The following ADAM20 variants were observed in gnomAD, a reference collection of about 807,000 sequenced individuals.
The protein encoded by ADAM20 is ADAM metallopeptidase domain 20.
For missense variants in ADAM20, 871 were observed against 883.2 expected (o/e 0.99, Z 0.18); for synonymous variants, 305 against 310.2 (o/e 0.98, Z 0.18).
chr14:70,529,298 T>TA (rs1883657921), intron 1 of ADAM20, among the ~76,000 whole-genome samples: 1 of 152,168 alleles, frequency 6.6e-6, no homozygotes, highest in South Asian at 2.1e-4. Context: ...AAACAAGTCT[T>TA]AACAAATTTA....
the ADAM20 span, among the ~76,000 whole-genome samples, chr14:70,566,680 C>A: frequency 1.3e-5 from 2 of 152,078 alleles, no homozygotes; most frequent in Non-Finnish European, 2.9e-5. Context: ...TGGAATCCTG[C>A]AGAAAAAGTA....
the ADAM20 span, among the ~76,000 whole-genome samples, chr14:70,571,132 C>G: frequency 4.4e-4 from 67 of 152,174 alleles, no homozygotes; most frequent in African/African-American, 1.6e-3. Context: ...TATGACAAAC[C>G]CACAGCTAAC....
At chr14:70,569,882 T>TA in the ADAM20 span, among the ~76,000 whole-genome samples, 1 of 4,884 alleles carries the variant, frequency 2.0e-4, no homozygotes, top group Admixed American at 3.3e-3. Flanking sequence ...GGCAGAAAAC[T>TA]AACAAAAAAA....
At chr14:70,553,068 C>G in the ADAM20 span, among the ~76,000 whole-genome samples, 1 of 35,224 alleles carries the variant, frequency 2.8e-5, no homozygotes, top group Non-Finnish European at 5.4e-5. Flanking sequence ...AACAAAAAAC[C>G]AAACACCGCA....
At chr14:70,573,417 T>G in the ADAM20 span, among the ~76,000 whole-genome samples, 1 of 152,110 alleles carries the variant, frequency 6.6e-6, no homozygotes, top group South Asian at 2.1e-4. Flanking sequence ...TATTAGATAC[T>G]AGGGATTCCA....
In ADAM20 at chr14:70,526,518, G is replaced by C. The variant is rs559396216; in HGVS notation, c.-176-1585C>G. Among the ~76,000 whole-genome samples, 5 of 152,280 alleles carry C rather than the reference G, an allele frequency of 3.3e-5. No individual in the cohort carries two copies. The South Asian group carries it at 1.0e-3, about 32-fold the overall frequency. Reference sequence around the variant, plus strand: ...TCATAGAGTTTGGAACATTAAGATGGAAATGGGTGAATTGAGAGAGGATCA... The same window carrying C: ...TCATAGAGTTTGGAACATTAAGATGCAAATGGGTGAATTGAGAGAGGATCA... On this transcript the variant is annotated intron_variant, in intron 1 of 1. Transcript: ENST00000256389.
intron 1 of ADAM20, among the ~76,000 whole-genome samples, chr14:70,526,530 T>C (rs1883594777): frequency 2.0e-5 from 3 of 152,188 alleles, no homozygotes; most frequent in South Asian, 2.1e-4. Flanking sequence ...AATGGGTGAA[T>C]TGAGAGAGGA....
At chr14:70,546,411 T>C in the ADAM20 span, among the ~76,000 whole-genome samples, 3 of 152,136 alleles carry the variant, frequency 2.0e-5, no homozygotes, top group Admixed American at 2.0e-4. Flanking sequence ...CATCAATCAA[T>C]GTATGTAAGA....
the ADAM20 span, among the ~76,000 whole-genome samples, chr14:70,563,121 T>C: frequency 2.0e-5 from 3 of 152,304 alleles, no homozygotes; most frequent in African/African-American, 7.2e-5. Context: ...GAACACATTG[T>C]CACTGCTTGA....
the ADAM20 span, among the ~76,000 whole-genome samples, chr14:70,558,531 TAG>T: frequency 2.8e-4 from 42 of 152,182 alleles, no homozygotes; most frequent in African/African-American, 9.6e-4. Context: ...TTCAGAGTTG[TAG>T]AGTCTCCTGC....
At chr14:70,543,177 C>A in the ADAM20 span, among the ~76,000 whole-genome samples, 1 of 152,070 alleles carries the variant, frequency 6.6e-6, no homozygotes, top group Non-Finnish European at 1.5e-5. Context: ...ATTCCAATAC[C>A]CCCTACCTCA....
chr14:70,558,666 G>A, the ADAM20 span, among the ~76,000 whole-genome samples: 1 of 152,016 alleles, frequency 6.6e-6, no homozygotes, highest in African/African-American at 2.4e-5. Context: ...TATTGGAGGG[G>A]AGACATGAAA....
At chr14:70,538,325 C>T (rs989236119), upstream of ADAM20, among the ~76,000 whole-genome samples, 4 of 152,310 alleles carry the variant, frequency 2.6e-5, no homozygotes, top group Admixed American at 2.6e-4. Flanking sequence ...CATCTGGGAT[C>T]TTTCCCGGAA....
chr14:70,523,213 A>G lies in ADAM20; in HGVS notation c.1545T>C (p.Cys515=). 1 of 1,614,054 alleles carries G rather than the reference A, an allele frequency of 6.2e-7. No homozygotes were observed. Residue 515 remains cysteine, a synonymous_variant, in exon 2 of 2, where the codon TGT becomes TGC. Coordinates refer to ENST00000256389, the MANE Select transcript of ADAM20 (RefSeq NM_003814.5). ...EKTCNNHDIQ[C]KEIFGQDARS... ...TTGCATCTTGGCCAAAAATCTCTTT[A>G]CATTGTATATCATGGTTATTACACG...
At chr14:70,575,409 C>T in the ADAM20 span, among the ~76,000 whole-genome samples, 7 of 151,882 alleles carry the variant, frequency 4.6e-5, no homozygotes, top group African/African-American at 1.7e-4. Flanking sequence ...TGAGACCAGC[C>T]TGGCCAATAT....
At chr14:70,531,587 T>C (rs1169816459) in intron 1 of ADAM20, among the ~76,000 whole-genome samples, 1 of 152,128 alleles carries the variant, frequency 6.6e-6, no homozygotes, top group Non-Finnish European at 1.5e-5. Flanking sequence ...CACGGATGAC[T>C]TGATCTGTAG....
the ADAM20 span, among the ~76,000 whole-genome samples, chr14:70,567,848 G>C: frequency 5.9e-5 from 9 of 152,076 alleles, no homozygotes; most frequent in Admixed American, 5.9e-4. Context: ...TGCAACAGGG[G>C]CAAGATAGGG....
the ADAM20 span, among the ~76,000 whole-genome samples, chr14:70,542,653 C>T: frequency 6.6e-6 from 1 of 152,102 alleles, no homozygotes; most frequent in African/African-American, 2.4e-5. Flanking sequence ...TTTAAAAGGC[C>T]TATGTCCAGG....
chr14:70,535,849 G>C (rs1595025033), upstream of ADAM20, among the ~76,000 whole-genome samples: 1 of 152,270 alleles, frequency 6.6e-6, no homozygotes, highest in African/African-American at 2.4e-5. Flanking sequence ...ATACTTTATA[G>C]AATGAAATTC....
Sources: allele counts gnomAD v4.1 joint callset (sites outside exome capture counted in the v4.1 genomes callset), GRCh38; gene constraint gnomAD v4.1.1; transcripts MANE v1.5; gene names NCBI Gene and HGNC (gene_info 2026-07-23, HGNC 2026-07-21).